Variants in MROH7 observed in about 807,000 individuals in gnomAD.
MROH7 encodes maestro heat-like repeat-containing protein family member 7.
Under a neutral mutation model 129.2 loss-of-function variants are expected in MROH7, and 113 were observed. The observed-to-expected ratio is 0.87, with a 90% confidence interval of 0.75 to 1.02. MROH7 has a LOEUF of 1.02. Ranked by LOEUF, MROH7 falls within the 50% of genes least tolerant of loss-of-function variation. The pLI is 0.00. For missense variants in MROH7, 1,601 were observed against 1,671.3 expected (o/e 0.96, Z 0.73); for synonymous variants, 655 against 667.9 (o/e 0.98, Z 0.30).
intron 15 of MROH7, among the ~76,000 whole-genome samples, chr1:54,688,084 G>A (rs972172755): frequency 4.6e-5 from 7 of 151,674 alleles, no homozygotes; most frequent in African/African-American, 1.7e-4. Context: ...GCCAGATGTG[G>A]TGGTGGGTGC....
chr1:54,649,388 G>A (rs1169345783), intron 1 of MROH7, among the ~76,000 whole-genome samples: 1 of 152,256 alleles, frequency 6.6e-6, no homozygotes, highest in African/African-American at 2.4e-5. Flanking sequence ...AGCTCCTTTA[G>A]CTCCTGTAGA....
Position 54,702,094 on chromosome 1 carries a change from G to T in MROH7, c.3290G>T (p.Arg1097Leu). The T allele has an allele frequency of 6.3e-7, 1 of 1,594,334 alleles. No individual in the cohort carries two copies. The highest frequency in any genetic ancestry group is 8.6e-7 in the Non-Finnish European group (1 of 1,169,118). Residue 1097 changes from arginine (R) to leucine (L), a missense_variant, in exon 20 of 24, where the codon CGA becomes CTA. By Grantham distance (102) the Arg-to-Leu change is moderately radical. Coordinates refer to ENST00000421030, the MANE Select transcript of MROH7 (RefSeq NM_001039464.4). Reference sequence around the variant, plus strand: ...TGAGCCTTTGGTCTTCCCCAGGCACGAGAGGTCGTGCGCTCCTCCTGCATC... The same window carrying T: ...TGAGCCTTTGGTCTTCCCCAGGCACTAGAGGTCGTGCGCTCCTCCTGCATC... ...QILLPHFSDA[R>L]EVVRSSCINL...
In MROH7 at chr1:54,680,032, C is replaced by T. The variant is rs1196303555; in HGVS notation, c.2368C>T (p.Leu790Phe). 1.2e-6 allele frequency: 2 copies of T among 1,613,976 alleles called. No homozygotes were observed. Among genetic ancestry groups the T allele is most frequent in the African/African-American group, 1.3e-5 (1 of 75,038 alleles). Residue 790 changes from leucine (L) to phenylalanine (F), a missense_variant, in exon 13 of 24, where the codon CTC becomes TTC. By Grantham distance (22) the Leu-to-Phe change is conservative. Transcript: ENST00000421030. ...EVVVALLMCP[L>F]PLNSNGAEMW... is the part of the protein sequence containing the mutation. ...TGTGGTGGCCCTGCTCATGTGCCCC[C>T]TCCCACTGAACAGGTACCAAGTGAA...
At chr1:54,680,126 C>A in intron 13 of MROH7, 81 bp downstream of exon 13, 1 of 1,343,998 alleles carries the variant, frequency 7.4e-7, no homozygotes, top group Non-Finnish European at 1.0e-6. Context: ...CCCCCTTCTG[C>A]CCAGATAAGC....
Position 54,703,206 on chromosome 1 carries a change from C to T in MROH7, c.3564+461C>T, listed in dbSNP as rs376005768. 1.3e-5 allele frequency among the ~76,000 whole-genome samples: 2 copies of T among 152,256 alleles called. No individual in the cohort carries two copies. The highest frequency in any genetic ancestry group is 3.9e-4 in the East Asian group (2 of 5,186). ...ACACCCCTCAGTTAGGCTATTGGCCCAGCCACCCAAGGGGTCTCCCAGCCT... is the reference window on the plus strand; with the variant it reads ...ACACCCCTCAGTTAGGCTATTGGCCTAGCCACCCAAGGGGTCTCCCAGCCT... On this transcript the variant is annotated intron_variant, in intron 21 of 23. Coordinates refer to ENST00000421030, the MANE Select transcript of MROH7 (RefSeq NM_001039464.4). This position sits in a 1 kb window ranked among gnomAD's most constrained non-coding sequence, Gnocchi z 4.4.
intron 3 of MROH7, among the ~76,000 whole-genome samples, chr1:54,661,461 C>T (rs1002121779): frequency 4.8e-4 from 73 of 152,268 alleles, no homozygotes; most frequent in African/African-American, 1.7e-3. Flanking sequence ...ATCTGCCCAC[C>T]TCGGCCTCCC....
intron 15 of MROH7, 36 bp downstream of exon 15, chr1:54,686,484 C>T (rs756163913): frequency 1.3e-5 from 21 of 1,582,494 alleles, no homozygotes; most frequent in Admixed American, 3.4e-5. Context: ...CTGCTGTCCC[C>T]GGTGGTGGGA....
chr1:54,646,071 C>T (rs1025960555), intron 1 of MROH7, among the ~76,000 whole-genome samples: 1 of 152,152 alleles, frequency 6.6e-6, no homozygotes, highest in Admixed American at 6.6e-5. Flanking sequence ...CTGGTATTGC[C>T]GGGGCTCCTG....
chr1:54,664,627 G>T (rs1462416281), intron 3 of MROH7, among the ~76,000 whole-genome samples: 1 of 152,260 alleles, frequency 6.6e-6, no homozygotes, highest in Non-Finnish European at 1.5e-5. Flanking sequence ...GGCATTGAGG[G>T]TCTTGGCAAG....
chr1:54,670,934 G>C lies in MROH7; in HGVS notation c.1599+5G>C, dbSNP rs549024881. On this transcript the variant is annotated splice_donor_5th_base_variant and intron_variant, in intron 7 of 23. Coordinates refer to ENST00000421030, the MANE Select transcript of MROH7 (RefSeq NM_001039464.4). ...GCCAAGGCTGAGACCATCCAGGTGA[G>C]GCGGGACCTTCCCAGCAGGGCCTCA... The C allele has an allele frequency of 1.9e-6, 3 of 1,596,178 alleles. No individual in the cohort carries two copies. In the African/African-American group the frequency reaches 4.0e-5, roughly 21 times the overall value.
chr1:54,682,100 G>A (rs1337928536), intron 13 of MROH7, among the ~76,000 whole-genome samples: 1 of 151,880 alleles, frequency 6.6e-6, no homozygotes. Flanking sequence ...GTAATACATT[G>A]CATGTAAAAC....
chr1:54,708,727 C>G (rs1389099027), intron 22 of MROH7, among the ~76,000 whole-genome samples: 1 of 152,172 alleles, frequency 6.6e-6, no homozygotes, highest in Non-Finnish European at 1.5e-5. Flanking sequence ...GATGAGGAAA[C>G]TGAGCCCCAG....
At chr1:54,677,795 C>T (rs1021339137) in intron 10 of MROH7, among the ~76,000 whole-genome samples, 1 of 152,048 alleles carries the variant, frequency 6.6e-6, no homozygotes, top group Non-Finnish European at 1.5e-5. Context: ...CACTATGTGC[C>T]GGGTACTATT....
intron 11 of MROH7, 63 bp downstream of exon 11, chr1:54,678,917 G>T (rs1645024160): frequency 7.7e-7 from 1 of 1,300,532 alleles, no homozygotes; most frequent in African/African-American, 1.5e-5. Flanking sequence ...GTGCCACCTG[G>T]CCCCAAAGCT....
intron 3 of MROH7, among the ~76,000 whole-genome samples, chr1:54,661,960 G>A (rs1327637033): frequency 6.6e-6 from 1 of 152,056 alleles, no homozygotes; most frequent in Non-Finnish European, 1.5e-5. Flanking sequence ...GCTCACACCT[G>A]TAATACATAG....
In MROH7 at chr1:54,710,159, G is replaced by A; in HGVS notation, c.3944G>A (p.Gly1315Asp). The A allele has an allele frequency of 6.2e-7, 1 of 1,613,208 alleles. No individual in the cohort carries two copies. Among genetic ancestry groups the A allele is most frequent in the Non-Finnish European group, 8.5e-7 (1 of 1,179,960 alleles). The change falls in exon 24 of 24, where the codon GGC becomes GAC. Residue 1315 changes from glycine to aspartate, a missense_variant. By Grantham distance (94) the Gly-to-Asp change is moderately conservative. Coordinates refer to ENST00000421030, the MANE Select transcript of MROH7 (RefSeq NM_001039464.4). ...CGCTCCTGGATCATGCAGGCACTGGGCTCCTGGAAGATGTCCTTGAAGAAG... is the reference window on the plus strand; with the variant it reads ...CGCTCCTGGATCATGCAGGCACTGGACTCCTGGAAGATGTCCTTGAAGAAG... ...QRRSWIMQAL[G>D]SWKMSLKK is the part of the protein sequence containing the mutation.
intron 17 of MROH7, chr1:54,695,765 A>C: frequency 2.2e-6 from 1 of 464,932 alleles, no homozygotes; most frequent in South Asian, 2.0e-5. Flanking sequence ...GAGACATATA[A>C]ATGTGAATTT....
At chr1:54,658,358 G>A (rs79547138) in intron 3 of MROH7, among the ~76,000 whole-genome samples, 8,204 of 152,110 alleles carry the variant, frequency 0.054, 419 homozygotes, top group Admixed American at 0.17. Flanking sequence ...TGCCAGTACC[G>A]TGCTGTTTTG....
chr1:54,649,374 A>G (rs932984937), intron 1 of MROH7, among the ~76,000 whole-genome samples: 1 of 152,258 alleles, frequency 6.6e-6, no homozygotes, highest in African/African-American at 2.4e-5. Flanking sequence ...AGCAGGGAGT[A>G]GTGAGCTCCT....
Sources: gnomAD v4.1 joint callset for allele counts (sites outside exome capture counted in the v4.1 genomes callset) on GRCh38, gnomAD v4.1.1 for gene constraint, Gnocchi (gnomAD v3.1) non-coding constraint, MANE v1.5 for transcripts, NCBI Gene and HGNC (gene_info 2026-07-23, HGNC 2026-07-21) for gene names.